Variants in VIPR2 observed in about 807,000 individuals in gnomAD.
The protein encoded by VIPR2 is vasoactive intestinal peptide receptor 2.
In VIPR2, 48 loss-of-function variants were observed where a neutral mutation model predicts 58.0. The ratio of observed to expected loss-of-function variants is 0.83; its 90% CI spans 0.66 to 1.05. The LOEUF is 1.05. Among genes scored for constraint, VIPR2 ranks in the 50% least tolerant of loss-of-function variants. VIPR2 has a pLI of 0.00. For synonymous variants in VIPR2, 243 were observed against 235.2 expected, an observed-to-expected ratio of 1.03 and a Z score of -0.30; for missense variants, 534 against 558.0, an observed-to-expected ratio of 0.96 and a Z score of 0.43.
chr7:159,086,158 C>G (rs796973409), intron 4 of VIPR2, among the ~76,000 whole-genome samples: 54 of 152,308 alleles, frequency 3.5e-4, no homozygotes, highest in African/African-American at 1.2e-3. Context: ...CATAAAACTG[C>G]TCTAAAAAGT....
chr7:159,030,437 G>A lies in VIPR2; in HGVS notation c.*179C>T. ...ATGCTGGAGTTTAAATCGAGTCAAT[G>A]ACAACACGACTCCAATTCCAGGTAT... On this transcript the variant is annotated 3_prime_UTR_variant, in exon 13 of 13. Transcript: ENST00000262178. 1 of 634,054 alleles carries A rather than the reference G, an allele frequency of 1.6e-6. No homozygotes were observed. The highest frequency in any genetic ancestry group is 3.0e-5 in the South Asian group (1 of 32,916). The allele number at this position is 634,054 out of a possible 1,614,324, so 39.3% of individuals were successfully genotyped here.
chr7:159,058,267 C>T (rs1855437260), intron 5 of VIPR2, among the ~76,000 whole-genome samples: 1 of 152,180 alleles, frequency 6.6e-6, no homozygotes, highest in Non-Finnish European at 1.5e-5. Context: ...AGCTGAGTTC[C>T]TATCCAAGGT....
At chr7:159,136,948 C>T (rs950930778) in intron 2 of VIPR2, among the ~76,000 whole-genome samples, 3 of 152,020 alleles carry the variant, frequency 2.0e-5, no homozygotes, top group African/African-American at 7.3e-5. Context: ...GGTGTGAGAG[C>T]CCAAGGATGG....
At chr7:159,132,852 C>T (rs1235646) in intron 2 of VIPR2, among the ~76,000 whole-genome samples, 2 of 39,934 alleles carry the variant, frequency 5.0e-5, no homozygotes, top group Admixed American at 2.5e-4. Flanking sequence ...ATTGGCATAC[C>T]GATTGATTTT....
At chr7:159,043,235 G>T in intron 5 of VIPR2, 59 bp from the exon 6 acceptor site, 1 of 1,326,520 alleles carries the variant, frequency 7.5e-7, no homozygotes, top group Non-Finnish European at 1.1e-6. Context: ...GAGGGAGAGA[G>T]AACCAGACAG....
At chr7:159,104,522 G>A (rs571086154) in intron 3 of VIPR2, among the ~76,000 whole-genome samples, 20 of 125,828 alleles carry the variant, frequency 1.6e-4, no homozygotes, top group African/African-American at 6.0e-4. Flanking sequence ...CCTCCTCCTG[G>A]CAGCACCCTC....
chr7:159,076,161 GT>G (rs989864909), intron 4 of VIPR2, among the ~76,000 whole-genome samples: 2 of 152,088 alleles, frequency 1.3e-5, no homozygotes, highest in Admixed American at 6.5e-5. Context: ...GATCTTGTGC[GT>G]TTTTGGAAAA....
chr7:159,134,945 C>A (rs1797139944), intron 2 of VIPR2, among the ~76,000 whole-genome samples: 1 of 150,222 alleles, frequency 6.7e-6, no homozygotes, highest in Non-Finnish European at 1.5e-5. Context: ...GAATGAGTCA[C>A]CGCGCCTGGC....
chr7:159,107,288 ACAGAAAG>A (rs1439788966), intron 3 of VIPR2, among the ~76,000 whole-genome samples: 1 of 152,162 alleles, frequency 6.6e-6, no homozygotes, highest in Non-Finnish European at 1.5e-5. Context: ...AACTGGAAAC[ACAGAAAG>A]CAAGTCAAGG....
chr7:159,092,042 A>C (rs1047581189), intron 4 of VIPR2, among the ~76,000 whole-genome samples: 3 of 152,202 alleles, frequency 2.0e-5, no homozygotes, highest in Non-Finnish European at 2.9e-5. Flanking sequence ...CAGTGAGCCA[A>C]GATTATGCCG....
chr7:159,139,378 G>A (rs1797366141), intron 2 of VIPR2, among the ~76,000 whole-genome samples: 1 of 152,162 alleles, frequency 6.6e-6, no homozygotes, highest in Non-Finnish European at 1.5e-5. Context: ...TTGAGAAGCA[G>A]AGGGAACCCG....
At chr7:159,111,372 C>CA (rs1294306027) in intron 2 of VIPR2, among the ~76,000 whole-genome samples, 1 of 152,186 alleles carries the variant, frequency 6.6e-6, no homozygotes, top group Admixed American at 6.5e-5. Context: ...CACAAAATGA[C>CA]AAATTTCTAC....
In VIPR2 at chr7:159,095,108, C is replaced by G. The variant is rs1857752223; in HGVS notation, c.357+8649G>C. Among the ~76,000 whole-genome samples, 1 of 152,140 alleles carries G rather than the reference C, an allele frequency of 6.6e-6. No homozygotes were observed. Among genetic ancestry groups the G allele is most frequent in the African/African-American group, 2.4e-5 (1 of 41,420 alleles). ...GATGGAGAGGGGCTAGGGAGAGTTC[C>G]AGATTAAAGCCGGGGAGCCACCACA... is the stretch of plus-strand genomic sequence containing the variant. On this transcript the variant is annotated intron_variant, in intron 4 of 12. Coordinates refer to ENST00000262178, the MANE Select transcript of VIPR2 (RefSeq NM_003382.5). The surrounding 1 kb of genome is among the most constrained non-coding windows in gnomAD (Gnocchi z 5.2).
chr7:159,064,533 G>A (rs1855973449), intron 4 of VIPR2, among the ~76,000 whole-genome samples: 1 of 152,148 alleles, frequency 6.6e-6, no homozygotes, highest in Admixed American at 6.5e-5. Context: ...GCTGGGTGCT[G>A]GGCTGAAGGT....
At chr7:159,101,954 G>A (rs1315656358) in intron 4 of VIPR2, among the ~76,000 whole-genome samples, 1 of 147,654 alleles carries the variant, frequency 6.8e-6, no homozygotes, top group African/African-American at 2.5e-5. Flanking sequence ...AGTCTCACGA[G>A]ATCCGACGAG....
chr7:159,114,597 T>C (rs766949401), intron 2 of VIPR2, among the ~76,000 whole-genome samples: 1 of 151,648 alleles, frequency 6.6e-6, no homozygotes, highest in Non-Finnish European at 1.5e-5. Flanking sequence ...CTAAATAAAA[T>C]AGTAAAATAA....
At chr7:159,034,397 C>T (rs1211437212) in intron 9 of VIPR2, 93 bp from the exon 10 acceptor site, 3 of 1,366,208 alleles carry the variant, frequency 2.2e-6, no homozygotes, top group Non-Finnish European at 3.1e-6. Flanking sequence ...TCCGCTCCCT[C>T]AGTCCCTCCC....
rs773516215 is a variant in VIPR2 at position 159,034,273 on chromosome 7, C to A, written c.911G>T (p.Arg304Leu). 6.2e-7 allele frequency: 1 copy of A among 1,614,008 alleles called. No homozygotes were observed. The highest frequency in any genetic ancestry group is 1.7e-5 in the Admixed American group (1 of 60,026). ...VNFVLFISII[R>L]ILLQKLTSPD... ...GGATGTTAACTTCTGCAGCAAAATT[C>A]GTATAATACTAATGAAAAGGACAAA... Residue 304 changes from arginine (R) to leucine (L), a missense_variant, in exon 10 of 13, where the codon CGA becomes CTA. Physicochemically the swap from Arg to Leu is moderately radical, Grantham distance 102 (BLOSUM62 -2). Around this residue, in one of 3 missense-constraint regions of VIPR2, gnomAD observed 306 missense variants for 285.8 expected, o/e 1.07. Coordinates refer to ENST00000262178, the MANE Select transcript of VIPR2 (RefSeq NM_003382.5).
Position 159,134,144 on chromosome 7 carries a change from A to C in VIPR2, c.151+8302T>G, listed in dbSNP as rs140637824. On this transcript the variant is annotated intron_variant, in intron 2 of 12. Transcript: ENST00000262178. ...AATTCCTAAAAAGAAGTTTAAGCTCAAGTATTTTTGGCTTATTCTAGAGGA... is the reference window on the plus strand; with the variant it reads ...AATTCCTAAAAAGAAGTTTAAGCTCCAGTATTTTTGGCTTATTCTAGAGGA... Among the ~76,000 whole-genome samples the C allele has an allele frequency of 1.1e-3, 166 of 152,358 alleles. 1 individual carries two copies. Among genetic ancestry groups the C allele is most frequent in the African/African-American group, 3.9e-3 (164 of 41,592 alleles).
Sources: gnomAD v4.1 joint callset for allele counts (sites outside exome capture counted in the v4.1 genomes callset) on GRCh38, gnomAD v4.1.1 for gene constraint, gnomAD v4.1.1 regional missense constraint, Gnocchi (gnomAD v3.1) non-coding constraint, MANE v1.5 for transcripts, NCBI Gene and HGNC (gene_info 2026-07-23, HGNC 2026-07-21) for gene names.